Variants in SPEF2 observed in about 807,000 individuals in gnomAD.
The protein encoded by SPEF2 is sperm flagella and cilia-associated protein 2.
SPEF2 carries 187 observed loss-of-function variants against 224.6 expected under a neutral mutation model. The observed-to-expected ratio is 0.83, with a 90% CI of 0.74 to 0.94. The LOEUF (loss-of-function observed/expected upper bound fraction) is 0.94, where lower values mean the gene tolerates loss of function less well. SPEF2 is among the 40% of genes least tolerant of loss of function. The pLI is 0.00. For synonymous variants in SPEF2, 715 were observed against 707.3 expected, an observed-to-expected ratio of 1.01 and a Z score of -0.17; for missense variants, 2,170 against 2,135.6, an observed-to-expected ratio of 1.02 and a Z score of -0.32.
rs903304967 is a variant in SPEF2, at chr5:35,664,364, A to AGAAG, written c.1168-2692_1168-2689dup. Among the ~76,000 whole-genome samples, 24 of 151,450 alleles carry AGAAG rather than the reference A, an allele frequency of 1.6e-4. No individual in the cohort carries two copies. The East Asian group carries it at 4.1e-3, about 26-fold the overall frequency. On this transcript the variant is annotated intron_variant, in intron 8 of 36. Coordinates refer to ENST00000356031, the MANE Select transcript of SPEF2 (RefSeq NM_024867.4). ...AGAGACGAGGGAAGGAAGGAAGGAA[A>AGAAG]GAAGGAAGGAAGGAAGGAAAGAAGG...
chr5:35,642,535 G>T (rs1194024354), intron 3 of SPEF2, among the ~76,000 whole-genome samples: 1 of 152,126 alleles, frequency 6.6e-6, no homozygotes, highest in Non-Finnish European at 1.5e-5. Context: ...CAGATTTTTA[G>T]TACATCAGAT....
chr5:35,762,669 C>T (rs1346427898), intron 25 of SPEF2, among the ~76,000 whole-genome samples: 2 of 152,188 alleles, frequency 1.3e-5, no homozygotes, highest in African/African-American at 2.4e-5. Context: ...CTGTTCTCTT[C>T]TCTTTCCTTC....
chr5:35,769,500 A>G (rs1752505583), intron 26 of SPEF2, among the ~76,000 whole-genome samples: 1 of 152,176 alleles, frequency 6.6e-6, no homozygotes, highest in South Asian at 2.1e-4. Context: ...TTGATATTGA[A>G]GAAGTTGAGG....
chr5:35,748,417 G>A (rs1203316057), intron 23 of SPEF2, among the ~76,000 whole-genome samples: 1 of 151,964 alleles, frequency 6.6e-6, no homozygotes, highest in Non-Finnish European at 1.5e-5. Flanking sequence ...AAAATTGATA[G>A]ACCATTCGCA....
intron 25 of SPEF2, among the ~76,000 whole-genome samples, chr5:35,761,823 G>C (rs2149753624): frequency 6.6e-6 from 1 of 152,234 alleles, no homozygotes; most frequent in African/African-American, 2.4e-5. Flanking sequence ...TGTTGATGTT[G>C]GTTAGTAGAA....
intron 5 of SPEF2, among the ~76,000 whole-genome samples, chr5:35,649,153 G>A (rs1747837468): frequency 6.6e-6 from 1 of 152,056 alleles, no homozygotes; most frequent in Non-Finnish European, 1.5e-5. Flanking sequence ...TTCAGGGGAG[G>A]CAATTTTCAC....
rs376188111 is a variant in SPEF2, at chr5:35,751,096, C to CATATAT, written c.3331-2511_3331-2506dup. 2.7e-3 allele frequency among the ~76,000 whole-genome samples: 83 copies of CATATAT among 30,610 alleles called. 9 individuals carry two copies. The highest frequency in any genetic ancestry group is 8.6e-3 in the African/African-American group (79 of 9,134). 20.1% of individuals were successfully genotyped at this position (30,610 alleles called of 152,430 possible). ...ATATATATACACACACACACACACA[C>CATATAT]ATATATATATATATATATATATGAT... On this transcript the variant is annotated intron_variant, in intron 23 of 36. Transcript: ENST00000356031.
chr5:35,708,371 CT>C (rs1455361203), intron 18 of SPEF2, among the ~76,000 whole-genome samples: 2 of 152,046 alleles, frequency 1.3e-5, no homozygotes, highest in African/African-American at 4.8e-5. Flanking sequence ...CACTTGTTCA[CT>C]TTGCTTTCCC....
At position 35,736,206 on chromosome 5, in the gene SPEF2, T is replaced by C. The variant is rs557209284; in HGVS notation, c.3064-3713T>C. On this transcript the variant is annotated intron_variant, in intron 21 of 36. Transcript: ENST00000356031. ...TCAATGCAGTCTTTTTTACATTATT[T>C]ATTAAATAAAATGGATACCCTTTAC... Among the ~76,000 whole-genome samples the C allele has an allele frequency of 6.6e-5, 10 of 152,298 alleles. No homozygotes were observed. The South Asian group carries it at 1.9e-3, about 28-fold the overall frequency.
intron 30 of SPEF2, chr5:35,788,567 A>G: frequency 1.4e-6 from 1 of 702,836 alleles, no homozygotes; most frequent in Non-Finnish European, 2.6e-6. Context: ...GATAGTAGAA[A>G]GAAATGATCC....
chr5:35,726,409 C>T (rs1029638375), intron 20 of SPEF2, among the ~76,000 whole-genome samples: 1 of 152,040 alleles, frequency 6.6e-6, no homozygotes, highest in Non-Finnish European at 1.5e-5. Flanking sequence ...TTTAGAAAAA[C>T]ATATCAAATT....
rs951413924 is a variant in SPEF2, at chr5:35,799,989, G to A, written c.4852G>A (p.Asp1618Asn). The A allele has an allele frequency of 1.2e-6, 2 of 1,613,662 alleles. No homozygotes were observed. Among genetic ancestry groups the A allele is most frequent in the African/African-American group, 2.7e-5 (2 of 74,848 alleles). ...GCAGTTTTTCTTTAGGCTATTTGCT[G>A]ACTATGAGAAGGATCCACCCCAGCT... is the stretch of plus-strand genomic sequence containing the variant. ...LIEFFFRLFADYEKDPPQLDY... is the reference protein window; with the variant it reads ...LIEFFFRLFANYEKDPPQLDY... Residue 1618 changes from aspartate to asparagine, a missense_variant, in exon 34 of 37, where the codon GAC (aspartate) becomes AAC (asparagine). By Grantham distance (23) the Asp-to-Asn change is conservative. Coordinates refer to ENST00000356031, the MANE Select transcript of SPEF2 (RefSeq NM_024867.4).
rs781647363 is a variant in SPEF2, at chr5:35,753,625, A to G, written c.3332A>G (p.Asp1111Gly). Reference sequence around the variant, plus strand: ...ACCATGCCTGTTTTTTCTGTTCAGGATCTGCGAGACCGCCTGTGGGACATT... The same window carrying G: ...ACCATGCCTGTTTTTTCTGTTCAGGGTCTGCGAGACCGCCTGTGGGACATT... Reference protein sequence around the residue: ...TKAELHQRVNDLRDRLWDICD... With the variant: ...TKAELHQRVNGLRDRLWDICD... Residue 1111 changes from aspartate to glycine, a missense_variant and splice_region_variant, in exon 24 of 37, where the codon GAT becomes GGT. By Grantham distance (94) the Asp-to-Gly change is moderately conservative. Coordinates refer to ENST00000356031, the MANE Select transcript of SPEF2 (RefSeq NM_024867.4). 6.8e-6 allele frequency: 11 copies of G among 1,613,906 alleles called. No homozygotes were observed. Among genetic ancestry groups the G allele is most frequent in the South Asian group, 5.5e-5 (5 of 91,064 alleles).
intron 6 of SPEF2, 64 bp from the exon 7 acceptor site, chr5:35,654,476 C>A: frequency 7.5e-7 from 1 of 1,341,148 alleles, no homozygotes; most frequent in Non-Finnish European, 1.0e-6. Flanking sequence ...TCTCCATAGT[C>A]ACAGATAGTG....
chr5:35,641,332 A>G lies in SPEF2; in HGVS notation c.162-99A>G, dbSNP rs922184426. 1.3e-5 allele frequency: 18 copies of G among 1,351,896 alleles called. No homozygotes were observed. In the East Asian group the frequency reaches 2.8e-4, roughly 21 times the overall value. 83.7% of individuals were successfully genotyped at this position (1,351,896 alleles called of 1,614,324 possible). On this transcript the variant is annotated intron_variant, in intron 2 of 36. Coordinates refer to ENST00000356031, the MANE Select transcript of SPEF2 (RefSeq NM_024867.4). ...AATGATACAGCTAAAAGGACATGAA[A>G]TAATTCAAAATATTGGATAATGATA...
intron 34 of SPEF2, among the ~76,000 whole-genome samples, chr5:35,804,721 A>C (rs1165879185): frequency 6.6e-6 from 1 of 152,214 alleles, no homozygotes; most frequent in Non-Finnish European, 1.5e-5. Context: ...AATTTTAAAA[A>C]AAAATCATTT....
chr5:35,726,398 A>G (rs1287631042), intron 20 of SPEF2, among the ~76,000 whole-genome samples: 1 of 152,178 alleles, frequency 6.6e-6, no homozygotes, highest in Non-Finnish European at 1.5e-5. Flanking sequence ...GAAAATCATT[A>G]TTTAGAAAAA....
intron 20 of SPEF2, among the ~76,000 whole-genome samples, chr5:35,720,549 G>A (rs968966929): frequency 6.6e-6 from 1 of 152,188 alleles, no homozygotes; most frequent in Admixed American, 6.5e-5. Flanking sequence ...ACAATTGTCT[G>A]TGGATAGCAA....
At chr5:35,685,489 C>T (rs73082272) in intron 10 of SPEF2, among the ~76,000 whole-genome samples, 1,987 of 152,006 alleles carry the variant, frequency 0.013, 52 homozygotes, top group African/African-American at 0.046. Flanking sequence ...TATGACATAG[C>T]GTAATTATAG....
Sources: allele counts gnomAD v4.1 joint callset (sites outside exome capture counted in the v4.1 genomes callset), GRCh38; gene constraint gnomAD v4.1.1; transcripts MANE v1.5; gene names NCBI Gene and HGNC (gene_info 2026-07-23, HGNC 2026-07-21).